The following NAALADL2 variants were observed in gnomAD, a reference collection of about 807,000 sequenced individuals.
NAALADL2 encodes N-acetylated alpha-linked acidic dipeptidase like 2.
A neutral mutation model predicts 87.2 loss-of-function variants in NAALADL2; 76 were observed. That is an observed-to-expected ratio of 0.87 (90% confidence interval 0.72 to 1.05). The LOEUF is 1.05. NAALADL2 is among the 50% of genes least tolerant of loss of function. The pLI is 0.00. For synonymous variants in NAALADL2, 354 were observed against 331.0 expected, an observed-to-expected ratio of 1.07 and a Z score of -0.75; for missense variants, 1,089 against 945.8, an observed-to-expected ratio of 1.15 and a Z score of -1.99.
At chr3:174,557,139 A>G (rs1416702640) in intron 2 of NAALADL2, among the ~76,000 whole-genome samples, 1 of 152,220 alleles carries the variant, frequency 6.6e-6, no homozygotes, top group Admixed American at 6.5e-5. Flanking sequence ...ATTTGTTAGA[A>G]TATTAATAAT....
At chr3:174,861,944 T>C (rs1054274255) in intron 1 of NAALADL2, among the ~76,000 whole-genome samples, 3 of 151,946 alleles carry the variant, frequency 2.0e-5, no homozygotes, top group African/African-American at 4.8e-5. Context: ...CAAGGTTATC[T>C]TGAGCTGTGT....
intron 1 of NAALADL2, among the ~76,000 whole-genome samples, chr3:174,926,157 A>G (rs946008186): frequency 1.3e-5 from 2 of 152,048 alleles, no homozygotes; most frequent in African/African-American, 4.8e-5. Flanking sequence ...AGTTTAGAGA[A>G]AAAAAGAGTA....
intron 3 of NAALADL2, among the ~76,000 whole-genome samples, chr3:174,798,552 T>A (rs1349628084): frequency 1.3e-5 from 2 of 152,200 alleles, no homozygotes; most frequent in African/African-American, 2.4e-5. Context: ...TGGAGACTTG[T>A]GATCAATAAA....
intron 2 of NAALADL2, among the ~76,000 whole-genome samples, chr3:174,642,436 G>A (rs936496086): frequency 6.6e-6 from 1 of 151,238 alleles, no homozygotes; most frequent in African/African-American, 2.4e-5. Context: ...GGGAGGCGCA[G>A]GTTGTGGTTA....
intron 4 of NAALADL2, among the ~76,000 whole-genome samples, chr3:175,315,644 T>C (rs1759044335): frequency 6.6e-6 from 1 of 152,194 alleles, no homozygotes; most frequent in Non-Finnish European, 1.5e-5. Flanking sequence ...TATTTTAGGC[T>C]ATAAATACTG....
chr3:175,618,546 G>A lies in NAALADL2; in HGVS notation c.1801-8745G>A, dbSNP rs368802508. Among the ~76,000 whole-genome samples, 50 of 152,272 alleles carry A rather than the reference G, an allele frequency of 3.3e-4. No homozygotes were observed. In the South Asian group the frequency reaches 0.01, roughly 32 times the overall value. On this transcript the variant is annotated intron_variant, in intron 10 of 13. Coordinates refer to ENST00000454872, the MANE Select transcript of NAALADL2 (RefSeq NM_207015.3). ...CCTCTAGGGTCTGAGAGTCAAAGGA[G>A]TTCTAGTGATTCAGCATGCACTTGA...
At chr3:174,483,383 T>A (rs147707004) in intron 1 of NAALADL2, among the ~76,000 whole-genome samples, 1 of 151,870 alleles carries the variant, frequency 6.6e-6, no homozygotes, top group Non-Finnish European at 1.5e-5. Context: ...GAGTCCCTTA[T>A]AAGACCATCA....
At chr3:174,458,151 A>G (rs979588414) in intron 1 of NAALADL2, among the ~76,000 whole-genome samples, 2 of 152,168 alleles carry the variant, frequency 1.3e-5, no homozygotes, top group Non-Finnish European at 2.9e-5. Context: ...TGAAAAATGA[A>G]TTTTTTTAAT....
rs116687216 is a variant in NAALADL2, at chr3:174,816,643, C to T, written c.-9+78897C>T. ...CGCTAAGACAGACTAAGTGATTCAC[C>T]CCAGGTCACTGCCATGGTAAACCTA... On this transcript the variant is annotated intron_variant, in intron 3 of 3. Coordinates refer to the NAALADL2 transcript ENST00000434257. 2.8e-3 allele frequency among the ~76,000 whole-genome samples: 425 copies of T among 151,326 alleles called. 2 individuals are homozygous for T. The highest frequency in any genetic ancestry group is 9.9e-3 in the African/African-American group (410 of 41,272).
chr3:175,672,210 GTGC>G (rs1456812872), intron 11 of NAALADL2, among the ~76,000 whole-genome samples: 1 of 152,096 alleles, frequency 6.6e-6, no homozygotes, highest in Non-Finnish European at 1.5e-5. Flanking sequence ...CTTTTTAATG[GTGC>G]TTGGTTGAAA....
At chr3:174,807,300 G>A (rs2109277261) in intron 3 of NAALADL2, among the ~76,000 whole-genome samples, 1 of 150,928 alleles carries the variant, frequency 6.6e-6, no homozygotes, top group South Asian at 2.1e-4. Flanking sequence ...AACTTGCACA[G>A]TGAAGTGAAA....
chr3:175,505,482 A>G (rs1160587643), intron 9 of NAALADL2, among the ~76,000 whole-genome samples: 2 of 152,200 alleles, frequency 1.3e-5, no homozygotes, highest in Non-Finnish European at 2.9e-5. Context: ...ATAGCAAAAG[A>G]TAAAAAGAAT....
intron 1 of NAALADL2, among the ~76,000 whole-genome samples, chr3:174,926,279 A>G (rs559346214): frequency 2.9e-3 from 439 of 152,192 alleles, no homozygotes; most frequent in Non-Finnish European, 5.1e-3. Flanking sequence ...GTTGGAAAAC[A>G]CTGCAGGGTA....
chr3:175,350,629 G>A (rs1763659532), intron 5 of NAALADL2, among the ~76,000 whole-genome samples: 1 of 152,162 alleles, frequency 6.6e-6, no homozygotes, highest in South Asian at 2.1e-4. Context: ...AGATTCAGGT[G>A]AGAGTTATGG....
rs551557456 is a variant in NAALADL2, at chr3:175,077,067, T to C, written c.44-19723T>C. The stretch of plus-strand genomic sequence containing the variant: ...AAGGTAAATTAAAGGTTCATTAAGC[T>C]GTGTTCAATAGAAAAAAAATGTTTT... On this transcript the variant is annotated intron_variant, in intron 1 of 13. Transcript: ENST00000454872. Among the ~76,000 whole-genome samples the C allele has an allele frequency of 2.0e-5, 3 of 152,298 alleles. No individual in the cohort carries two copies. The East Asian group carries it at 5.8e-4, about 29-fold the overall frequency.
At chr3:175,394,845 C>G (rs2149034391) in intron 5 of NAALADL2, among the ~76,000 whole-genome samples, 2 of 152,276 alleles carry the variant, frequency 1.3e-5, no homozygotes, top group South Asian at 4.2e-4. Context: ...TGAGGTGCAA[C>G]AGCAAAACTA....
At chr3:174,865,624 C>T (rs2109568113) in intron 1 of NAALADL2, among the ~76,000 whole-genome samples, 1 of 152,086 alleles carries the variant, frequency 6.6e-6, no homozygotes, top group East Asian at 1.9e-4. Context: ...GAGAAATACA[C>T]TGCCTCAAAA....
At chr3:175,540,032 G>T (rs1712028310) in intron 9 of NAALADL2, among the ~76,000 whole-genome samples, 1 of 152,172 alleles carries the variant, frequency 6.6e-6, no homozygotes, top group African/African-American at 2.4e-5. Context: ...AAGTAAGTTT[G>T]AGCCCAGAAT....
chr3:175,012,457 C>T lies in NAALADL2; in HGVS notation c.44-84333C>T, dbSNP rs147444727. Among the ~76,000 whole-genome samples the T allele has an allele frequency of 5.1e-3, 780 of 152,250 alleles. 10 individuals carry two copies. The highest frequency in any genetic ancestry group is 0.018 in the African/African-American group (736 of 41,548). On this transcript the variant is annotated intron_variant, in intron 1 of 13. Transcript: ENST00000454872. ...TGTTGGGATTACAGGTGTGAGCCAC[C>T]GTGCCTGGCCCATAAATTAATTGAG...
Sources: gnomAD v4.1 joint callset for allele counts (sites outside exome capture counted in the v4.1 genomes callset) on GRCh38, gnomAD v4.1.1 for gene constraint, MANE v1.5 for transcripts, NCBI Gene and HGNC (gene_info 2026-07-23, HGNC 2026-07-21) for gene names.